CSMD2: variants seen among roughly 807,000 people sequenced by gnomAD.
The protein encoded by CSMD2 is CUB and sushi domain-containing protein 2.
Under a neutral mutation model 398.5 loss-of-function variants are expected in CSMD2, and 130 were observed. The observed-to-expected ratio is 0.33, with a 90% CI of 0.28 to 0.38. The LOEUF (loss-of-function observed/expected upper bound fraction) is 0.38. Ranked by LOEUF, CSMD2 falls within the 10% of genes least tolerant of loss-of-function variation. The pLI is 1.00. For synonymous variants in CSMD2, 1,828 were observed against 1,908.5 expected (o/e 0.96, Z 1.10); for missense variants, 3,829 against 4,764.9 (o/e 0.80, Z 5.78).
chr1:33,587,191 G>A, intron 44 of CSMD2, 23 bp from the exon 45 acceptor site: 3 of 1,551,600 alleles, frequency 1.9e-6, no homozygotes, highest in South Asian at 1.2e-5. Flanking sequence ...AAGCAGGCAA[G>A]TCAGGGTAAG....
intron 65 of CSMD2, among the ~76,000 whole-genome samples, chr1:33,525,696 T>C (rs1055756455): frequency 1.3e-5 from 2 of 152,228 alleles, no homozygotes; most frequent in Admixed American, 1.3e-4. Flanking sequence ...GAGTAGTTTT[T>C]TCGTTGAGAT....
intron 41 of CSMD2, among the ~76,000 whole-genome samples, chr1:33,607,341 TAA>T (rs1357416597): frequency 2.6e-5 from 4 of 151,694 alleles, no homozygotes; most frequent in Non-Finnish European, 4.4e-5. Flanking sequence ...TGAGAAAGAG[TAA>T]AGAGTTGGAC....
At chr1:33,532,987 T>A in intron 64 of CSMD2, 63 bp downstream of exon 64, 1 of 1,448,258 alleles carries the variant, frequency 6.9e-7, no homozygotes. Context: ...CTCTTTCAGC[T>A]CAAGTTCAGC....
intron 1 of CSMD2, among the ~76,000 whole-genome samples, chr1:34,102,197 A>G (rs1415459755): frequency 6.6e-6 from 1 of 151,678 alleles, no homozygotes; most frequent in Non-Finnish European, 1.5e-5. Flanking sequence ...CGCCCGGCTA[A>G]TTTTTTTTAC....
rs556403605 is a variant in CSMD2, at chr1:33,603,211, G to A, written c.6533-665C>T. 1.2e-4 allele frequency among the ~76,000 whole-genome samples: 18 copies of A among 152,252 alleles called. No homozygotes were observed. The South Asian group carries it at 2.5e-3, about 21-fold the overall frequency. On this transcript the variant is annotated intron_variant, in intron 42 of 70. Coordinates refer to ENST00000373381, the MANE Select transcript of CSMD2 (RefSeq NM_001281956.2). ...TTCAGCCCAGGCCCTGGAAGAGGAC[G>A]CATTTGCTATGTAGATAAGATCCTC...
At chr1:33,705,274 T>C (rs376895231) in intron 22 of CSMD2, among the ~76,000 whole-genome samples, 17 of 152,312 alleles carry the variant, frequency 1.1e-4, no homozygotes, top group African/African-American at 3.4e-4. Flanking sequence ...TTTACTCTTT[T>C]AGTGATTTTG....
Position 33,692,939 on chromosome 1 carries a change from C to T in CSMD2, c.4043G>A (p.Cys1348Tyr), listed in dbSNP as rs1645290104. The change falls in exon 25 of 71, where the codon TGC becomes TAC. Residue 1348 changes from cysteine to tyrosine, a missense_variant. This residue lies in a region of CSMD2 where 2,001 missense variants were observed against 2,567.1 expected (regional missense o/e 0.78). Coordinates refer to ENST00000373381, the MANE Select transcript of CSMD2 (RefSeq NM_001281956.2). Reference protein sequence around the residue: ...CIWTIEAEAGCTIGLHFLVFD... With the variant: ...CIWTIEAEAGYTIGLHFLVFD... ...CAGCCCTGACACTTACCCAATGGTG[C>T]AGCCGGCCTCTGCTTCGATGGTCCA... 4 of 1,608,624 alleles carry T rather than the reference C, an allele frequency of 2.5e-6. No individual in the cohort carries two copies. The South Asian group carries it at 4.4e-5, about 18-fold the overall frequency.
At position 33,928,381 on chromosome 1, in the gene CSMD2, G is replaced by C. The variant is rs1644199400; in HGVS notation, c.712+7379C>G. Among the ~76,000 whole-genome samples, 4 of 152,190 alleles carry C rather than the reference G, an allele frequency of 2.6e-5. 1 individual carries two copies. Among genetic ancestry groups the C allele is most frequent in the African/African-American group, 9.6e-5 (4 of 41,452 alleles). On this transcript the variant is annotated intron_variant, in intron 4 of 70. Coordinates refer to ENST00000373381, the MANE Select transcript of CSMD2 (RefSeq NM_001281956.2). ...GTACTTAGTTAGGGCTCAATATGGT[G>C]GCCAGTGAGGCTGTGGCAGTGAGAA...
chr1:33,831,176 C>A (rs1273534081), intron 6 of CSMD2, among the ~76,000 whole-genome samples: 1 of 151,894 alleles, frequency 6.6e-6, no homozygotes, highest in Non-Finnish European at 1.5e-5. Context: ...CAAAGATACT[C>A]CTCGAGAAGA....
At chr1:33,729,220 A>G (rs1170742307) in intron 15 of CSMD2, among the ~76,000 whole-genome samples, 1 of 152,126 alleles carries the variant, frequency 6.6e-6, no homozygotes, top group African/African-American at 2.4e-5. Flanking sequence ...ATACATATCA[A>G]CGAAACCCCA....
intron 3 of CSMD2, among the ~76,000 whole-genome samples, chr1:33,961,215 C>T (rs942699221): frequency 2.6e-5 from 4 of 152,214 alleles, no homozygotes; most frequent in Non-Finnish European, 5.9e-5. Context: ...CAGTGGGTGT[C>T]GAAGGCTTTG....
At chr1:34,144,362 T>C (rs1639577418) in intron 1 of CSMD2, among the ~76,000 whole-genome samples, 1 of 152,200 alleles carries the variant, frequency 6.6e-6, no homozygotes, top group Non-Finnish European at 1.5e-5. Flanking sequence ...GTGGCACACA[T>C]TTTTCCAGTC....
chr1:33,925,735 C>T (rs1644105706), intron 4 of CSMD2, among the ~76,000 whole-genome samples: 1 of 152,106 alleles, frequency 6.6e-6, no homozygotes, highest in South Asian at 2.1e-4. Context: ...CATTGTCACT[C>T]AGGATAAAGT....
At position 33,917,151 on chromosome 1, in the gene CSMD2, C is replaced by T. The variant is rs146751342; in HGVS notation, c.920+943G>A. On this transcript the variant is annotated intron_variant, in intron 5 of 70. Transcript: ENST00000373381. ...CGCACCCAGGGCCTCCACCAGAACG[C>T]TATTCCCACTGCGGCACCCCCTGGT... Among the ~76,000 whole-genome samples, 276 of 152,332 alleles carry T rather than the reference C, an allele frequency of 1.8e-3. 1 individual carries two copies. The highest frequency in any genetic ancestry group is 6.5e-3 in the African/African-American group (270 of 41,584).
intron 6 of CSMD2, among the ~76,000 whole-genome samples, chr1:33,843,165 C>T (rs1299305687): frequency 6.6e-6 from 1 of 152,184 alleles, no homozygotes; most frequent in African/African-American, 2.4e-5. Context: ...AGAGATTGGC[C>T]TAGGCGCATT....
chr1:33,674,695 C>G (rs1046952008), intron 25 of CSMD2, among the ~76,000 whole-genome samples: 4 of 152,278 alleles, frequency 2.6e-5, no homozygotes, highest in African/African-American at 7.2e-5. Context: ...CAAAATGGAT[C>G]ACATAGTTGG....
chr1:33,536,960 A>T (rs1323007772), intron 62 of CSMD2, 62 bp downstream of exon 62: 14 of 1,520,736 alleles, frequency 9.2e-6, no homozygotes, highest in Non-Finnish European at 1.3e-5. Context: ...GGGTCCTCTT[A>T]TGTTGACAGT....
At chr1:34,158,445 C>T (rs770287292) in intron 1 of CSMD2, among the ~76,000 whole-genome samples, 2 of 152,168 alleles carry the variant, frequency 1.3e-5, no homozygotes, top group East Asian at 1.9e-4. Flanking sequence ...AGTGCATTCT[C>T]GAGGTAGAGG....
intron 5 of CSMD2, among the ~76,000 whole-genome samples, chr1:33,881,188 C>G (rs968061303): frequency 6.6e-6 from 1 of 152,216 alleles, no homozygotes; most frequent in Admixed American, 6.5e-5. Context: ...GTCTTTCTGT[C>G]TAGTGGACAA....
Sources: allele counts gnomAD v4.1 joint callset (sites outside exome capture counted in the v4.1 genomes callset), GRCh38; gene constraint gnomAD v4.1.1; regional missense constraint gnomAD v4.1.1; transcripts MANE v1.5; gene names NCBI Gene and HGNC (gene_info 2026-07-23, HGNC 2026-07-21).